TNXB: variants seen among roughly 807,000 people sequenced by gnomAD.
The protein encoded by TNXB is tenascin-X.
TNXB carries 183 observed loss-of-function variants against 340.5 expected under a neutral mutation model. That is an observed-to-expected ratio of 0.54 (90% CI 0.48 to 0.61). The LOEUF (loss-of-function observed/expected upper bound fraction) is 0.61, where lower values mean the gene tolerates loss of function less well. Ranked by LOEUF, TNXB falls within the 20% of genes least tolerant of loss-of-function variation. TNXB has a pLI of 0.00. For synonymous variants in TNXB, 2,121 were observed against 2,314.5 expected (o/e 0.92, Z 2.40); for missense variants, 4,613 against 5,446.4 (o/e 0.85, Z 4.82).
intron 4 of TNXB, among the ~76,000 whole-genome samples, chr6:32,094,095 CAAAAAAAAA>C (rs9281649): frequency 3.8e-4 from 11 of 28,970 alleles, no homozygotes; most frequent in African/African-American, 1.1e-3. Flanking sequence ...CTCTCTGTCT[CAAAAAAAAA>C]AAAAAAAAAA....
At chr6:32,104,142 C>T (rs538994533) in intron 1 of TNXB, among the ~76,000 whole-genome samples, 1 of 152,294 alleles carries the variant, frequency 6.6e-6, no homozygotes, top group East Asian at 1.9e-4. Flanking sequence ...GTGAATTTTA[C>T]TCAGTATTTT....
At position 32,055,880 on chromosome 6, in the gene TNXB, A is replaced by C. The variant is rs1777591965; in HGVS notation, c.8438T>G (p.Val2813Gly). 1 of 1,612,604 alleles carries C rather than the reference A, an allele frequency of 6.2e-7. No homozygotes were observed. Among genetic ancestry groups the C allele is most frequent in the African/African-American group, 1.3e-5 (1 of 74,922 alleles). The change falls in exon 24 of 44, where the codon GTG becomes GGG. Residue 2813 changes from valine (V) to glycine (G), a missense_variant. By Grantham distance (109) the Val-to-Gly change is moderately radical (BLOSUM62 -3). Transcript: ENST00000644971. ...CACACCCACGGTGGACACCGGGCCC[A>C]CACGCCGCCCCTCGTGGAGGCCGTA... Reference protein sequence around the residue: ...HLYGLHEGRRVGPVSTVGVTA... With the variant: ...HLYGLHEGRRGGPVSTVGVTA...
rs1269584211 is a variant in TNXB, at chr6:32,084,288, A to G, written c.3445+125T>C. On this transcript the variant is annotated intron_variant, in intron 8 of 43. Coordinates refer to ENST00000644971, the MANE Select transcript of TNXB (RefSeq NM_001365276.2). The surrounding 1 kb of genome is among the most constrained non-coding windows in gnomAD (Gnocchi z 5.5). ...CCTGCCCCACCACTACTTTCCCTTC[A>G]GAATTCAGCTCATGCACCACTGCCT... 1 of 950,642 alleles carries G rather than the reference A, an allele frequency of 1.1e-6. No individual in the cohort carries two copies. Among genetic ancestry groups the G allele is most frequent in the African/African-American group, 1.6e-5 (1 of 60,840 alleles). The allele number at this position is 950,642 out of a possible 1,614,324, so 58.9% of individuals were successfully genotyped here.
Position 32,041,764 on chromosome 6 carries a change from C to G in TNXB, c.12633+7G>C. ...CCCCAGCTCTGAGCCGCCTCCCCAC[C>G]CCTCACCTGATGGTCCACTGTGCTC... On this transcript the variant is annotated splice_region_variant and intron_variant, in intron 43 of 43. Coordinates refer to ENST00000644971, the MANE Select transcript of TNXB (RefSeq NM_001365276.2). 1.3e-6 allele frequency: 1 copy of G among 785,174 alleles called. No individual in the cohort carries two copies. The highest frequency in any genetic ancestry group is 2.1e-6 in the Non-Finnish European group (1 of 473,506). 48.6% of individuals were successfully genotyped at this position (785,174 alleles called of 1,614,324 possible).
intron 35 of TNXB, 54 bp downstream of exon 35, chr6:32,043,695 C>T: frequency 6.2e-7 from 1 of 1,613,076 alleles, no homozygotes; most frequent in East Asian, 2.2e-5. Context: ...TCAACTCCCA[C>T]CCATGCCGTT....
chr6:32,082,052 C>T lies in TNXB; in HGVS notation c.3720G>A (p.Thr1240=), dbSNP rs375134509. 1.9e-5 allele frequency: 31 copies of T among 1,605,228 alleles called. No homozygotes were observed. Among genetic ancestry groups the T allele is most frequent in the African/African-American group, 4.0e-5 (3 of 74,800 alleles). ...IANKKRYGPL[T]ADGTTAPERK... Reference sequence around the variant, plus strand: ...GCTACTCACCAGTGGTGCCATCGGCCGTGAGGGGGCCATACCGCTTCTTGT... The same window carrying T: ...GCTACTCACCAGTGGTGCCATCGGCTGTGAGGGGGCCATACCGCTTCTTGT... Residue 1240 remains threonine, a synonymous_variant, in exon 9 of 44, where the codon ACG becomes ACA. Coordinates refer to ENST00000644971, the MANE Select transcript of TNXB (RefSeq NM_001365276.2). This position sits in a 1 kb window ranked among gnomAD's most constrained non-coding sequence, Gnocchi z 5.0.
In TNXB at chr6:32,062,282, C is replaced by G. The variant is rs368054590; in HGVS notation, c.7043G>C (p.Arg2348Pro). The G allele has an allele frequency of 6.2e-7, 1 of 1,613,392 alleles. No individual in the cohort carries two copies. The highest frequency in any genetic ancestry group is 8.5e-7 in the Non-Finnish European group (1 of 1,179,838). Residue 2348 changes from arginine to proline, a missense_variant, in exon 20 of 44, where the codon CGG becomes CCG. Physicochemically the swap from Arg to Pro is moderately radical, Grantham distance 103. This residue lies in a region of TNXB where 4,327 missense variants were observed against 4,859.4 expected (regional missense o/e 0.89). Transcript: ENST00000644971. The surrounding 1 kb of genome is among the most constrained non-coding windows in gnomAD (Gnocchi z 4.3). ...KNGDGQPKATRVPGHEDRVTI... is the reference protein window; with the variant it reads ...KNGDGQPKATPVPGHEDRVTI... ...GACCCTGTCCTCATGTCCTGGCACC[C>G]GTGTTGCCTTGGGCTGCCCATCCCC... is the stretch of plus-strand genomic sequence containing the variant.
Position 32,061,267 on chromosome 6 carries a change from A to G in TNXB, c.7492+130T>C. The G allele has an allele frequency of 2.2e-6, 3 of 1,392,410 alleles. No individual in the cohort carries two copies. Among genetic ancestry groups the G allele is most frequent in the Non-Finnish European group, 2.9e-6 (3 of 1,033,540 alleles). The allele number at this position is 1,392,410 out of a possible 1,614,324, so 86.3% of individuals were successfully genotyped here. A position where few individuals can be genotyped will look rare whatever the true frequency, so the allele number is the denominator to read the frequency against. ...CAAACCGCTAGCATAGGCCACAGCCACAGGGCACAGAGGGAGGGCAGGACA... is the reference window on the plus strand; with the variant it reads ...CAAACCGCTAGCATAGGCCACAGCCGCAGGGCACAGAGGGAGGGCAGGACA... On this transcript the variant is annotated intron_variant, in intron 21 of 43. Coordinates refer to ENST00000644971, the MANE Select transcript of TNXB (RefSeq NM_001365276.2). The surrounding 1 kb of genome is among the most constrained non-coding windows in gnomAD (Gnocchi z 4.4).
Position 32,068,129 on chromosome 6 carries a change from A to G in TNXB, c.6221-145T>C. On this transcript the variant is annotated intron_variant, in intron 17 of 43. Coordinates refer to ENST00000644971, the MANE Select transcript of TNXB (RefSeq NM_001365276.2). The surrounding 1 kb of genome is among the most constrained non-coding windows in gnomAD (Gnocchi z 5.3). ...GGGTGGTCCTGCTCAGCTGACAGCT[A>G]ACACACATGACAAGTTCCAGGGTCA... 7.8e-7 allele frequency: 1 copy of G among 1,281,956 alleles called. No individual in the cohort carries two copies. Among genetic ancestry groups the G allele is most frequent in the Non-Finnish European group, 1.1e-6 (1 of 949,850 alleles). The allele number at this position is 1,281,956 out of a possible 1,614,324, so 79.4% of individuals were successfully genotyped here.
chr6:32,069,199 G>A lies in TNXB; in HGVS notation c.5588-63C>T. 6.7e-7 allele frequency: 1 copy of A among 1,493,994 alleles called. No homozygotes were observed. Among genetic ancestry groups the A allele is most frequent in the Non-Finnish European group, 9.0e-7 (1 of 1,111,518 alleles). The allele number at this position is 1,493,994 out of a possible 1,614,324, so 92.5% of individuals were successfully genotyped here. Reference sequence around the variant, plus strand: ...TGTCGCTGCACCCAGACTCTCAGGAGGAGTGAGGGAGGAGAGGGAGTGAGG... The same window carrying A: ...TGTCGCTGCACCCAGACTCTCAGGAAGAGTGAGGGAGGAGAGGGAGTGAGG... On this transcript the variant is annotated intron_variant, in intron 15 of 43. Transcript: ENST00000644971. The surrounding 1 kb of genome is among the most constrained non-coding windows in gnomAD (Gnocchi z 6.2).
intron 24 of TNXB, among the ~76,000 whole-genome samples, chr6:32,055,256 C>T (rs1777555590): frequency 6.6e-6 from 1 of 152,214 alleles, no homozygotes; most frequent in African/African-American, 2.4e-5. Context: ...TCCTAAGTCA[C>T]CCCACAGTCC....
At position 32,068,673 on chromosome 6, in the gene TNXB, G is replaced by A. The variant is rs3749963; in HGVS notation, c.5937C>T (p.Thr1979=). 2.9e-3 allele frequency: 4,671 copies of A among 1,613,850 alleles called. 150 individuals are homozygous for A. In the East Asian group the frequency reaches 0.073, roughly 25 times the overall value. Reference sequence around the variant, plus strand: ...GCTTGATGGGGGGCTCGGGGGTTGCGGTGGGAGGTTCTGAAGGCTTCTCCT... The same window carrying A: ...GCTTGATGGGGGGCTCGGGGGTTGCAGTGGGAGGTTCTGAAGGCTTCTCCT... ...PEEEKPSEPP[T]ATPEPPIKPR... Residue 1979 remains threonine (T), a synonymous_variant, in exon 17 of 44, where the codon ACC becomes ACT. Coordinates refer to ENST00000644971, the MANE Select transcript of TNXB (RefSeq NM_001365276.2). The surrounding 1 kb of genome is among the most constrained non-coding windows in gnomAD (Gnocchi z 5.3).
At position 32,048,002 on chromosome 6, in the gene TNXB, G is replaced by C; in HGVS notation, c.10056C>G (p.Thr3352=). Reference sequence around the variant, plus strand: ...GCTCCCCCAGGCGGGGAGACGGTTTGGTGTCTGGGGCTGGAAAAGACAGTG... The same window carrying C: ...GCTCCCCCAGGCGGGGAGACGGTTTCGTGTCTGGGGCTGGAAAAGACAGTG... ...VPVEARTAPD[T]KPSPRLGELT... Residue 3352 remains threonine (T), a synonymous_variant, in exon 30 of 44, where the codon ACC becomes ACG. Coordinates refer to ENST00000644971, the MANE Select transcript of TNXB (RefSeq NM_001365276.2). 6.2e-7 allele frequency: 1 copy of C among 1,604,836 alleles called. No homozygotes were observed.
Position 32,067,120 on chromosome 6 carries a change from AAAGAAAGGAAGG to A in TNXB, c.6544+529_6544+540del. On this transcript the variant is annotated intron_variant, in intron 18 of 43. Transcript: ENST00000644971. This position sits in a 1 kb window ranked among gnomAD's most constrained non-coding sequence, Gnocchi z 4.2. The stretch of plus-strand genomic sequence containing the variant: ...ATGAAAGAAAGAAAGAAAGAGAAAG[AAAGAAAGGAAGG>A]AAGAAAGAAAGAAAGAAAGAAAGAA... 8.7e-6 allele frequency among the ~76,000 whole-genome samples: 1 copy of A among 115,150 alleles called. No individual in the cohort carries two copies. Among genetic ancestry groups the A allele is most frequent in the East Asian group, 2.4e-4 (1 of 4,100 alleles). The allele number at this position is 115,150 out of a possible 152,430, so 75.5% of individuals were successfully genotyped here.
rs1214657377 is a variant in TNXB at position 32,049,849 on chromosome 6, T to C, written c.9439+149A>G. 17 of 1,325,254 alleles carry C rather than the reference T, an allele frequency of 1.3e-5. 1 individual carries two copies. The South Asian group carries it at 1.4e-4, about 11-fold the overall frequency. 82.1% of individuals were successfully genotyped at this position (1,325,254 alleles called of 1,614,324 possible). A position where few individuals can be genotyped will look rare whatever the true frequency, so the allele number is the denominator to read the frequency against. ...CAGGGGGAGCCAGGGGTCAACCACA[T>C]AGGAAGGCCCAAGGGGAGTCCCAGC... On this transcript the variant is annotated intron_variant, in intron 27 of 43. Coordinates refer to ENST00000644971, the MANE Select transcript of TNXB (RefSeq NM_001365276.2). The surrounding 1 kb of genome is among the most constrained non-coding windows in gnomAD (Gnocchi z 4.5).
In TNXB at chr6:32,095,830, C is replaced by A; in HGVS notation, c.2023G>T (p.Gly675Cys). The A allele has an allele frequency of 1.2e-6, 2 of 1,612,578 alleles. No individual in the cohort carries two copies. Among genetic ancestry groups the A allele is most frequent in the Non-Finnish European group, 1.7e-6 (2 of 1,179,376 alleles). The change falls in exon 3 of 44, where the codon GGT becomes TGT. Residue 675 changes from glycine (G) to cysteine (C), a missense_variant. Physicochemically the swap from Gly to Cys is radical, Grantham distance 159. This residue lies in a region of TNXB where 4,327 missense variants were observed against 4,859.4 expected (regional missense o/e 0.89). Transcript: ENST00000644971. ...GGCTCTTCCTGCCCGCAGTCCTCAC[C>A]GCCATAGCCCACGTGGCACAGGCAC... ...GVCLCHVGYG[G>C]EDCGQEEPPA...
Position 32,070,078 on chromosome 6 carries a change from G to C in TNXB, c.5278+49C>G, listed in dbSNP as rs761945258. On this transcript the variant is annotated intron_variant, in intron 14 of 43. Transcript: ENST00000644971. The surrounding 1 kb of genome is among the most constrained non-coding windows in gnomAD (Gnocchi z 6.0). ...CAGCCACCACAAGTGACCGTCTGCTGCTTGGCCTGAGGGGAGCAGAGCAGG... is the reference window on the plus strand; with the variant it reads ...CAGCCACCACAAGTGACCGTCTGCTCCTTGGCCTGAGGGGAGCAGAGCAGG... 1.1e-5 allele frequency: 17 copies of C among 1,493,468 alleles called. No individual in the cohort carries two copies. Among genetic ancestry groups the C allele is most frequent in the Middle Eastern group, 2.3e-4 (1 of 4,388 alleles). 92.5% of individuals were successfully genotyped at this position (1,493,468 alleles called of 1,614,324 possible). A position where few individuals can be genotyped will look rare whatever the true frequency, so the allele number is the denominator to read the frequency against.
rs28986186 is a variant in TNXB at position 32,103,727 on chromosome 6, C to CTTT, written c.-9+5451_-9+5453dup. Among the ~76,000 whole-genome samples, 37 of 123,420 alleles carry CTTT rather than the reference C, an allele frequency of 3.0e-4. 1 individual carries two copies. The highest frequency in any genetic ancestry group is 4.7e-4 in the African/African-American group (15 of 32,200). 81.0% of individuals were successfully genotyped at this position (123,420 alleles called of 152,430 possible). ...AATCACTAGACACAGTTCACCGCAT[C>CTTT]TTTTTTTTTTTTTTTTTTTTTGAGA... On this transcript the variant is annotated intron_variant, in intron 1 of 43. Transcript: ENST00000644971.
At position 32,058,697 on chromosome 6, in the gene TNXB, C is replaced by G. The variant is rs1777835304; in HGVS notation, c.7493-307G>C. 1.3e-5 allele frequency among the ~76,000 whole-genome samples: 2 copies of G among 151,786 alleles called. No individual in the cohort carries two copies. Among genetic ancestry groups the G allele is most frequent in the Non-Finnish European group, 2.9e-5 (2 of 68,032 alleles). On this transcript the variant is annotated intron_variant, in intron 21 of 43. Transcript: ENST00000644971. This position sits in a 1 kb window ranked among gnomAD's most constrained non-coding sequence, Gnocchi z 5.1. ...ATAATCCCAGTTCTGGGCATCTGTC[C>G]TAAGAAAATTATTAAAGCAGGAAAA...
Sources: allele counts gnomAD v4.1 joint callset (sites outside exome capture counted in the v4.1 genomes callset), GRCh38; gene constraint gnomAD v4.1.1; regional missense constraint gnomAD v4.1.1; non-coding constraint Gnocchi (gnomAD v3.1); transcripts MANE v1.5; gene names NCBI Gene and HGNC (gene_info 2026-07-23, HGNC 2026-07-21).